CEP112: variants seen among roughly 807,000 people sequenced by gnomAD.
CEP112 encodes the protein centrosomal protein of 112 kDa.
A neutral mutation model predicts 153.0 loss-of-function variants in CEP112; 127 were observed. The observed-to-expected ratio is 0.83, with a 90% CI of 0.72 to 0.96. The LOEUF (loss-of-function observed/expected upper bound fraction) is 0.96. Ranked by LOEUF, CEP112 falls within the 40% of genes least tolerant of loss-of-function variation. The pLI is 0.00. For missense variants in CEP112, 1,089 were observed against 1,101.2 expected (o/e 0.99, Z 0.16); for synonymous variants, 358 against 374.4 (o/e 0.96, Z 0.51).
chr17:66,106,222 C>A (rs2068776011), intron 6 of CEP112, among the ~76,000 whole-genome samples: 1 of 151,906 alleles, frequency 6.6e-6, no homozygotes, highest in South Asian at 2.1e-4. Flanking sequence ...TTCAAATAAA[C>A]AACCTAATGA....
At chr17:65,862,768 G>C (rs2058350912) in intron 20 of CEP112, among the ~76,000 whole-genome samples, 3 of 152,102 alleles carry the variant, frequency 2.0e-5, no homozygotes, top group African/African-American at 7.2e-5. Context: ...CAAGAAGAAT[G>C]CTTCTAAAAG....
intron 12 of CEP112, among the ~76,000 whole-genome samples, chr17:66,048,948 A>T (rs978047667): frequency 1.3e-5 from 2 of 152,182 alleles, no homozygotes; most frequent in Non-Finnish European, 2.9e-5. Flanking sequence ...CATTTGACTA[A>T]GTTAAAATAA....
intron 12 of CEP112, among the ~76,000 whole-genome samples, chr17:66,034,050 C>T (rs892650800): frequency 6.6e-6 from 1 of 152,098 alleles, no homozygotes; most frequent in African/African-American, 2.4e-5. Context: ...ATGCCGATTG[C>T]AAGACTTGAA....
chr17:65,950,718 TA>T (rs2061800280), intron 18 of CEP112, among the ~76,000 whole-genome samples: 2 of 151,464 alleles, frequency 1.3e-5, no homozygotes, highest in African/African-American at 2.4e-5. Context: ...GTAGTAGTAG[TA>T]GTAGTAGTAG....
intron 21 of CEP112, among the ~76,000 whole-genome samples, chr17:65,807,956 T>C (rs2055710197): frequency 6.6e-6 from 1 of 152,338 alleles, no homozygotes; most frequent in Admixed American, 6.5e-5. Context: ...GACCCCGGAA[T>C]GCTAGTTCCA....
At chr17:65,970,292 C>A (rs1027372112) in intron 17 of CEP112, among the ~76,000 whole-genome samples, 2 of 141,088 alleles carry the variant, frequency 1.4e-5, no homozygotes, top group African/African-American at 2.5e-5. Flanking sequence ...GCATGGATGT[C>A]ATACTGCATG....
chr17:66,137,934 T>G (rs1405254554), intron 4 of CEP112, among the ~76,000 whole-genome samples: 1 of 152,198 alleles, frequency 6.6e-6, no homozygotes, highest in Non-Finnish European at 1.5e-5. Flanking sequence ...GATATAATAG[T>G]GGTGCATAAA....
chr17:66,045,071 A>AAC (rs2066145405), intron 12 of CEP112, among the ~76,000 whole-genome samples: 1 of 137,282 alleles, frequency 7.3e-6, no homozygotes, highest in African/African-American at 3.4e-5. Flanking sequence ...TAGAAACAAA[A>AAC]AAAAAATTTT....
intron 20 of CEP112, among the ~76,000 whole-genome samples, chr17:65,860,682 T>C (rs1223448179): frequency 2.6e-5 from 4 of 152,210 alleles, no homozygotes; most frequent in Non-Finnish European, 5.9e-5. Flanking sequence ...CAAGAAGTTA[T>C]TCATATTGGG....
intron 23 of CEP112, among the ~76,000 whole-genome samples, chr17:65,718,900 C>G (rs1292736152): frequency 6.6e-6 from 1 of 151,994 alleles, no homozygotes; most frequent in Non-Finnish European, 1.5e-5. Flanking sequence ...CAGAGAAACA[C>G]TATAAATAAT....
chr17:65,640,387 C>G (rs2143306406), intron 25 of CEP112, among the ~76,000 whole-genome samples: 1 of 152,110 alleles, frequency 6.6e-6, no homozygotes, highest in East Asian at 1.9e-4. Flanking sequence ...CTCCTGACCT[C>G]AAATGGTCTG....
At chr17:65,698,075 T>C (rs945588438) in intron 23 of CEP112, among the ~76,000 whole-genome samples, 1 of 152,170 alleles carries the variant, frequency 6.6e-6, no homozygotes, top group African/African-American at 2.4e-5. Flanking sequence ...TATTTTTTTT[T>C]CTTAAAAAAA....
chr17:66,041,467 A>C (rs1378556242), intron 12 of CEP112, among the ~76,000 whole-genome samples: 1 of 152,206 alleles, frequency 6.6e-6, no homozygotes, highest in Non-Finnish European at 1.5e-5. Context: ...AGTTTCCAAA[A>C]ACCTATCAAT....
intron 21 of CEP112, among the ~76,000 whole-genome samples, chr17:65,756,370 C>T (rs1203892167): frequency 7.5e-6 from 1 of 133,566 alleles, no homozygotes; most frequent in Non-Finnish European, 1.5e-5. Context: ...CGTGCCATTG[C>T]ACTCCAGCCT....
intron 12 of CEP112, among the ~76,000 whole-genome samples, chr17:66,030,406 T>C (rs1451221414): frequency 6.6e-6 from 1 of 152,164 alleles, no homozygotes; most frequent in Non-Finnish European, 1.5e-5. Context: ...GATCTTTGCG[T>C]TTGATTTTAA....
intron 20 of CEP112, 146 bp downstream of exon 20, chr17:65,902,006 G>GGGGGA (rs1277838039): frequency 2.0e-4 from 48 of 243,272 alleles, no homozygotes; most frequent in African/African-American, 5.3e-4. Context: ...GGGTGGGGGG[G>GGGGGA]AGAAAAACAA....
At chr17:65,700,213 G>A (rs982871962) in intron 23 of CEP112, among the ~76,000 whole-genome samples, 6 of 151,846 alleles carry the variant, frequency 4.0e-5, no homozygotes, top group East Asian at 1.9e-4. Flanking sequence ...CATTACTTCC[G>A]TAAGTTAATG....
Position 66,069,907 on chromosome 17 carries a change from T to A in CEP112, c.855+8A>T. The A allele has an allele frequency of 6.6e-7, 1 of 1,522,138 alleles. No homozygotes were observed. The highest frequency in any genetic ancestry group is 9.1e-7 in the Non-Finnish European group (1 of 1,102,146). The allele number at this position is 1,522,138 out of a possible 1,614,324, so 94.3% of individuals were successfully genotyped here. A position where few individuals can be genotyped will look rare whatever the true frequency, so the allele number is the denominator to read the frequency against. On this transcript the variant is annotated splice_region_variant and intron_variant, in intron 9 of 26. Coordinates refer to ENST00000535342, the MANE Select transcript of CEP112 (RefSeq NM_001199165.4). ...CAATATAATTAAAACACGAGATATA[T>A]ATCCTACCTTCTGAACATCAGCATC...
intron 12 of CEP112, among the ~76,000 whole-genome samples, chr17:66,048,175 C>G (rs969700490): frequency 2.6e-5 from 4 of 151,758 alleles, no homozygotes; most frequent in Admixed American, 2.6e-4. Flanking sequence ...TAGATCCAGA[C>G]AGCTGACTGT....
Sources: gnomAD v4.1 joint callset for allele counts (sites outside exome capture counted in the v4.1 genomes callset) on GRCh38, gnomAD v4.1.1 for gene constraint, MANE v1.5 for transcripts, NCBI Gene and HGNC (gene_info 2026-07-23, HGNC 2026-07-21) for gene names.